EPG5: variants seen among roughly 807,000 people sequenced by gnomAD.
The protein encoded by EPG5 is ectopic P granules protein 5 homolog.
A neutral mutation model predicts 302.7 loss-of-function variants in EPG5; 159 were observed. The observed-to-expected ratio is 0.53, with a 90% CI of 0.46 to 0.60. The LOEUF is 0.60. EPG5 is among the 20% of genes least tolerant of loss of function. The pLI, the probability that EPG5 is intolerant of heterozygous loss-of-function variation, is 0.00. For synonymous variants in EPG5, 1,158 were observed against 1,136.8 expected, an observed-to-expected ratio of 1.02 and a Z score of -0.37; for missense variants, 2,896 against 3,092.4, an observed-to-expected ratio of 0.94 and a Z score of 1.51.
chr18:45,888,045 T>C (rs2145476160), intron 28 of EPG5, 138 bp from the exon 29 acceptor site: 1 of 612,672 alleles, frequency 1.6e-6, no homozygotes, highest in Non-Finnish European at 2.6e-6. Flanking sequence ...ACTTTAGAAA[T>C]ATTTCATGGA....
In EPG5 at chr18:45,935,550, A is replaced by G. The variant is rs192892590; in HGVS notation, c.2100-584T>C. The stretch of plus-strand genomic sequence containing the variant: ...CGAGTGAAACTCCAACTCAAAAATA[A>G]TAAGTATTATTATTACGGATATTAG... On this transcript the variant is annotated intron_variant, in intron 10 of 43. Coordinates refer to ENST00000282041, the MANE Select transcript of EPG5 (RefSeq NM_020964.3). Among the ~76,000 whole-genome samples, 95 of 152,254 alleles carry G rather than the reference A, an allele frequency of 6.2e-4. 1 individual carries two copies. The East Asian group carries it at 0.011, about 17-fold the overall frequency.
the EPG5 span, among the ~76,000 whole-genome samples, chr18:45,830,752 AT>A: frequency 0.01 from 1,212 of 118,114 alleles, 11 homozygotes; most frequent in African/African-American, 0.023. Flanking sequence ...TGCCAGGCTA[AT>A]TTTTTTTTTT....
downstream of EPG5, among the ~76,000 whole-genome samples, chr18:45,845,331 G>A (rs2048354965): frequency 6.6e-6 from 1 of 152,208 alleles, no homozygotes; most frequent in Non-Finnish European, 1.5e-5. Flanking sequence ...TGTTGAGGAG[G>A]GTCGGCCAGC....
chr18:45,852,280 A>AACACACACACACAC lies in EPG5; in HGVS notation c.*173_*186dup, dbSNP rs112643058. 1.2e-5 allele frequency: 6 copies of AACACACACACACAC among 488,390 alleles called. No homozygotes were observed. Among genetic ancestry groups the AACACACACACACAC allele is most frequent in the Non-Finnish European group, 2.1e-5 (6 of 279,964 alleles). The allele number at this position is 488,390 out of a possible 1,614,324, so 30.3% of individuals were successfully genotyped here. Reference sequence around the variant, plus strand: ...CCCAGAAGGTCTTAAGAGCTAAGAAAACACACACACACACACACACACACC... The same window carrying AACACACACACACAC: ...CCCAGAAGGTCTTAAGAGCTAAGAAAACACACACACACACACACACACACACACACACACACACC... On this transcript the variant is annotated 3_prime_UTR_variant, in exon 44 of 44. Transcript: ENST00000282041.
At chr18:45,859,736 T>G (rs542676267) in intron 40 of EPG5, among the ~76,000 whole-genome samples, 2 of 152,256 alleles carry the variant, frequency 1.3e-5, no homozygotes, top group Admixed American at 1.3e-4. Flanking sequence ...ATTAACCTCA[T>G]GGACTATGAT....
At chr18:45,876,130 A>G in intron 35 of EPG5, 106 bp downstream of exon 35, 1 of 728,454 alleles carries the variant, frequency 1.4e-6, no homozygotes, top group Non-Finnish European at 2.3e-6. Flanking sequence ...TCAGTCACAA[A>G]TAACTGCCTA....
Position 45,860,326 on chromosome 18 carries a change from G to A in EPG5, c.6787C>T (p.His2263Tyr). 1 of 1,614,250 alleles carries A rather than the reference G, an allele frequency of 6.2e-7. No homozygotes were observed. The highest frequency in any genetic ancestry group is 1.1e-5 in the South Asian group (1 of 91,082). The part of the protein sequence containing the change: ...NPPDMDSQTR[H>Y]MALSSLFMEV... Reference sequence around the variant, plus strand: ...ATAAAGAGGCTGCTGAGGGCCATGTGGCGGGTCTGGCTGTCCATGTCTGAA... The same window carrying A: ...ATAAAGAGGCTGCTGAGGGCCATGTAGCGGGTCTGGCTGTCCATGTCTGAA... Residue 2263 changes from histidine (H) to tyrosine (Y), a missense_variant, in exon 40 of 44, where the codon CAC (histidine) becomes TAC (tyrosine). By Grantham distance (83) the His-to-Tyr change is moderately conservative. Coordinates refer to ENST00000282041, the MANE Select transcript of EPG5 (RefSeq NM_020964.3).
At chr18:45,870,094 G>A (rs2048837609) in intron 36 of EPG5, among the ~76,000 whole-genome samples, 1 of 152,106 alleles carries the variant, frequency 6.6e-6, no homozygotes, top group South Asian at 2.1e-4. Flanking sequence ...CGATTATGAT[G>A]CATCATCGGT....
At chr18:45,817,228 T>G in the EPG5 span, among the ~76,000 whole-genome samples, 1 of 152,150 alleles carries the variant, frequency 6.6e-6, no homozygotes, top group Non-Finnish European at 1.5e-5. Context: ...AACCTACTCA[T>G]GTAACCAAAC....
chr18:45,860,399 T>G (rs918220724), intron 39 of EPG5, 53 bp from the exon 40 acceptor site: 1 of 1,610,602 alleles, frequency 6.2e-7, no homozygotes, highest in Non-Finnish European at 8.5e-7. Context: ...GTACTATCCA[T>G]GTGATCAGGA....
the EPG5 span, chr18:45,842,200 C>T: frequency 1.9e-6 from 3 of 1,613,486 alleles, no homozygotes; most frequent in Non-Finnish European, 2.5e-6. Flanking sequence ...AGTCCCTCAG[C>T]CACCAACATC....
intron 2 of EPG5, 54 bp from the exon 3 acceptor site, chr18:45,952,697 G>A (rs1457669446): frequency 2.5e-6 from 4 of 1,590,286 alleles, no homozygotes; most frequent in Admixed American, 1.7e-5. Flanking sequence ...TCCATTTGAA[G>A]TAAGCAGGCA....
At chr18:45,813,349 T>C in the EPG5 span, among the ~76,000 whole-genome samples, 1 of 152,218 alleles carries the variant, frequency 6.6e-6, no homozygotes, top group Non-Finnish European at 1.5e-5. Context: ...CTTGTGGAAG[T>C]CAGTGTGGCG....
the EPG5 span, among the ~76,000 whole-genome samples, chr18:45,831,526 C>T: frequency 3.7e-4 from 56 of 152,292 alleles, no homozygotes; most frequent in Admixed American, 3.7e-3. Flanking sequence ...GTCAACCTAA[C>T]GAGGAGGCTA....
chr18:45,859,975 T>C (rs1599429230), intron 40 of EPG5, 129 bp downstream of exon 40: 2 of 1,214,860 alleles, frequency 1.6e-6, no homozygotes, highest in Non-Finnish European at 1.2e-6. Flanking sequence ...TCCACAACAT[T>C]TGTAGAGCAG....
intron 13 of EPG5, among the ~76,000 whole-genome samples, 186 bp downstream of exon 13, chr18:45,928,683 T>C (rs564595732): frequency 2.2e-4 from 33 of 152,352 alleles, no homozygotes; most frequent in Non-Finnish European, 4.4e-4. Flanking sequence ...CATCTTTTTA[T>C]AAGCAGCAGC....
chr18:45,875,193 C>T (rs1326375920), intron 35 of EPG5, among the ~76,000 whole-genome samples: 1 of 152,168 alleles, frequency 6.6e-6, no homozygotes, highest in Non-Finnish European at 1.5e-5. Context: ...TACACACCCT[C>T]AGCCTAGGCC....
intron 35 of EPG5, among the ~76,000 whole-genome samples, chr18:45,874,549 G>A (rs569340405): frequency 2.4e-3 from 365 of 152,268 alleles, no homozygotes; most frequent in Admixed American, 4.4e-3. Flanking sequence ...GTCTTACATG[G>A]CAGCAGGCAA....
At chr18:45,942,465 T>TG (rs1459222530) in intron 9 of EPG5, among the ~76,000 whole-genome samples, 1 of 151,922 alleles carries the variant, frequency 6.6e-6, no homozygotes, top group Non-Finnish European at 1.5e-5. Context: ...TAGCCAGGTG[T>TG]GGTGGTGCGC....
Sources: allele counts gnomAD v4.1 joint callset (sites outside exome capture counted in the v4.1 genomes callset), GRCh38; gene constraint gnomAD v4.1.1; transcripts MANE v1.5; gene names NCBI Gene and HGNC (gene_info 2026-07-23, HGNC 2026-07-21).